The following CFAP96 variants were observed in gnomAD, a reference collection of about 807,000 sequenced individuals.
CFAP96 encodes the protein cilia and flagella associated protein 96, also known as cilia-and flagella-associated protein 96.
At chr4:185,422,103 C>G in the CFAP96 span, among the ~76,000 whole-genome samples, 3 of 152,108 alleles carry the variant, frequency 2.0e-5, no homozygotes, top group African/African-American at 7.2e-5. Flanking sequence ...GTACTCATCC[C>G]CATATAATGT....
chr4:185,431,833 A>G, the CFAP96 span: 5 of 658,406 alleles, frequency 7.6e-6, no homozygotes, highest in East Asian at 1.4e-4. Context: ...CCATTCACAC[A>G]GAGCTTTCAG....
At chr4:185,448,330 G>T in the CFAP96 span, among the ~76,000 whole-genome samples, 2 of 152,096 alleles carry the variant, frequency 1.3e-5, no homozygotes, top group African/African-American at 4.8e-5. Context: ...CACTGCGCCC[G>T]GTCAGAAATA....
At chr4:185,437,974 T>C in the CFAP96 span, among the ~76,000 whole-genome samples, 7 of 152,090 alleles carry the variant, frequency 4.6e-5, no homozygotes, top group African/African-American at 1.7e-4. Flanking sequence ...TTTGTTCTTC[T>C]GCATGCACTA....
the CFAP96 span, chr4:185,435,961 A>T: frequency 9.3e-7 from 1 of 1,074,222 alleles, no homozygotes; most frequent in Non-Finnish European, 1.3e-6. Flanking sequence ...CTTTTTTTCA[A>T]TCTGTTTAAA....
chr4:185,415,632 TACCTACAGGATATACAA>T, the CFAP96 span: 5 of 1,266,316 alleles, frequency 3.9e-6, no homozygotes, highest in Admixed American at 1.2e-4. Flanking sequence ...ACCTTAGGTA[TACCTACAGGATATACAA>T]ACATGGGTTT....
the CFAP96 span, chr4:185,445,585 A>G: frequency 8.3e-7 from 1 of 1,209,600 alleles, no homozygotes; most frequent in South Asian, 1.3e-5. Flanking sequence ...AAATGCCAAC[A>G]TAACTATAAT....
chr4:185,414,613 G>A, the CFAP96 span, among the ~76,000 whole-genome samples: 21 of 152,208 alleles, frequency 1.4e-4, no homozygotes, highest in African/African-American at 5.1e-4. Flanking sequence ...GGTTCTAAGC[G>A]AGTCCACATA....
chr4:185,435,309 T>C, the CFAP96 span, among the ~76,000 whole-genome samples: 2 of 152,232 alleles, frequency 1.3e-5, no homozygotes, highest in Non-Finnish European at 2.9e-5. Flanking sequence ...AATTTTTAAC[T>C]CAGATGTATG....
At chr4:185,440,796 T>TC in the CFAP96 span, 1 of 74,742 alleles carries the variant, frequency 1.3e-5, no homozygotes, top group Non-Finnish European at 2.3e-5. Context: ...TGATTTTTTT[T>TC]CCCATGTAAA....
chr4:185,411,776 G>GA, the CFAP96 span, among the ~76,000 whole-genome samples: 1 of 152,036 alleles, frequency 6.6e-6, no homozygotes, highest in Non-Finnish European at 1.5e-5. Context: ...AAAAAACTTG[G>GA]AAAAAATCAT....
the CFAP96 span, among the ~76,000 whole-genome samples, chr4:185,446,958 A>G: frequency 1.3e-5 from 2 of 152,052 alleles, no homozygotes; most frequent in South Asian, 2.1e-4. Context: ...CTCATGAAAT[A>G]CATGTACTTT....
At chr4:185,418,638 G>C in the CFAP96 span, 1 of 1,613,858 alleles carries the variant, frequency 6.2e-7, no homozygotes, top group Admixed American at 1.7e-5. Flanking sequence ...CAGTTCTCCA[G>C]GAATGGTGTT....
At chr4:185,440,444 G>T in the CFAP96 span, 2 of 761,046 alleles carry the variant, frequency 2.6e-6, no homozygotes, top group East Asian at 3.3e-5. Context: ...ATAGATTTAA[G>T]AATCATATTT....
At chr4:185,426,896 A>T in the CFAP96 span, among the ~76,000 whole-genome samples, 1 of 146,616 alleles carries the variant, frequency 6.8e-6, no homozygotes, top group African/African-American at 2.5e-5. Flanking sequence ...AAAAAAAAAA[A>T]AAAAAAAAAA....
At chr4:185,425,787 G>A in the CFAP96 span, 40 of 1,561,930 alleles carry the variant, frequency 2.6e-5, no homozygotes, top group East Asian at 1.7e-4. Context: ...GCTCCTTTCA[G>A]GCGCTGTGAA....
the CFAP96 span, among the ~76,000 whole-genome samples, chr4:185,443,545 C>T: frequency 5.3e-5 from 8 of 150,640 alleles, no homozygotes; most frequent in Non-Finnish European, 7.4e-5. Flanking sequence ...GACAGGGTTT[C>T]GCCATGTTGC....
At chr4:185,438,725 G>C in the CFAP96 span, among the ~76,000 whole-genome samples, 3 of 152,112 alleles carry the variant, frequency 2.0e-5, no homozygotes, top group Non-Finnish European at 2.9e-5. Context: ...CTTAGAAATG[G>C]TTTTTACCTT....
the CFAP96 span, chr4:185,426,231 A>C: frequency 7.5e-6 from 2 of 266,736 alleles, no homozygotes; most frequent in Non-Finnish European, 1.5e-5. Context: ...CACACAATAA[A>C]CGCCAGCTGT....
the CFAP96 span, chr4:185,436,413 A>G: frequency 1.5e-6 from 2 of 1,320,596 alleles, no homozygotes; most frequent in East Asian, 2.5e-5. Context: ...CTAACTCGAT[A>G]TTAATAATTC....
Sources: allele counts gnomAD v4.1 joint callset (sites outside exome capture counted in the v4.1 genomes callset), GRCh38; gene constraint gnomAD v4.1.1; transcripts MANE v1.5; gene names NCBI Gene and HGNC (gene_info 2026-07-23, HGNC 2026-07-21).